ZCCHC7: variants seen among roughly 807,000 people sequenced by gnomAD.
The protein encoded by ZCCHC7 is zinc finger CCHC-type containing 7, also known as zinc finger CCHC domain-containing protein 7.
ZCCHC7 carries 35 observed loss-of-function variants against 52.0 expected under a neutral mutation model. That is an observed-to-expected ratio of 0.67 (90% CI 0.51 to 0.89). ZCCHC7 has a LOEUF of 0.89. Among genes scored for constraint, ZCCHC7 ranks in the 40% least tolerant of loss-of-function variants. ZCCHC7 has a pLI of 0.00. For synonymous variants in ZCCHC7, 217 were observed against 221.5 expected (o/e 0.98, Z 0.18); for missense variants, 574 against 649.1 (o/e 0.88, Z 1.26).
intron 2 of ZCCHC7, among the ~76,000 whole-genome samples, chr9:37,185,029 C>T (rs74921831): frequency 6.6e-6 from 1 of 152,070 alleles, no homozygotes; most frequent in Non-Finnish European, 1.5e-5. Flanking sequence ...CCTATTGGAA[C>T]TTGCTGAGAT....
chr9:37,170,138 C>T (rs1003751081), intron 2 of ZCCHC7, among the ~76,000 whole-genome samples: 4 of 151,710 alleles, frequency 2.6e-5, no homozygotes, highest in African/African-American at 9.7e-5. Flanking sequence ...TTGTTCTTTT[C>T]AGTGTCCTTA....
chr9:37,170,041 C>T (rs1821645342), intron 2 of ZCCHC7, among the ~76,000 whole-genome samples: 1 of 148,930 alleles, frequency 6.7e-6, no homozygotes, highest in African/African-American at 2.5e-5. Flanking sequence ...TCCTTGGCTG[C>T]AAAGTGAGAT....
chr9:37,343,707 ACT>A (rs1491308062), intron 6 of ZCCHC7, among the ~76,000 whole-genome samples: 1 of 151,706 alleles, frequency 6.6e-6, no homozygotes, highest in Non-Finnish European at 1.5e-5. Context: ...ACTTATTTCC[ACT>A]CTCTGTTGAA....
At chr9:37,147,240 T>G (rs1031141965) in intron 2 of ZCCHC7, 1 of 151,982 alleles carries the variant, frequency 6.6e-6, no homozygotes, top group South Asian at 2.1e-4. Context: ...AAGGGAAGTT[T>G]AGGAATATAA....
chr9:37,195,002 A>G (rs1331081955), intron 2 of ZCCHC7, among the ~76,000 whole-genome samples: 1 of 146,100 alleles, frequency 6.8e-6, no homozygotes, highest in African/African-American at 2.6e-5. Context: ...GCTAGAGTGC[A>G]GTGGTGTGAT....
intron 2 of ZCCHC7, among the ~76,000 whole-genome samples, chr9:37,193,319 TTAG>T (rs1344900313): frequency 6.6e-6 from 1 of 152,170 alleles, no homozygotes; most frequent in East Asian, 1.9e-4. Flanking sequence ...CTGACGGTTA[TTAG>T]TACACTTTTG....
intron 2 of ZCCHC7, among the ~76,000 whole-genome samples, chr9:37,180,024 G>T (rs1477560922): frequency 6.6e-6 from 1 of 152,096 alleles, no homozygotes; most frequent in Non-Finnish European, 1.5e-5. Flanking sequence ...AGGACAAGGA[G>T]AAAGATAGGA....
chr9:37,324,446 C>T (rs951630959), intron 5 of ZCCHC7, among the ~76,000 whole-genome samples: 1 of 152,216 alleles, frequency 6.6e-6, no homozygotes. Context: ...ACTTATGTCA[C>T]TCTTTATTCA....
intron 2 of ZCCHC7, among the ~76,000 whole-genome samples, chr9:37,290,252 A>C (rs1157538215): frequency 6.6e-6 from 1 of 152,230 alleles, no homozygotes; most frequent in Non-Finnish European, 1.5e-5. Flanking sequence ...ACGAATGGTA[A>C]ATATTGGGAA....
chr9:37,261,290 A>G (rs1373009210), intron 2 of ZCCHC7, among the ~76,000 whole-genome samples: 1 of 152,176 alleles, frequency 6.6e-6, no homozygotes. Flanking sequence ...TGTAAAATGG[A>G]CAAGAGTTGA....
At chr9:37,305,836 T>G (rs369613173) in intron 5 of ZCCHC7, 122 bp downstream of exon 5, 5 of 141,268 alleles carry the variant, frequency 3.5e-5, no homozygotes, top group Admixed American at 1.9e-4. Flanking sequence ...CCGTGAGATA[T>G]ATATATATAT....
chr9:37,287,928 TA>T (rs1231291274), intron 2 of ZCCHC7, among the ~76,000 whole-genome samples: 1 of 151,826 alleles, frequency 6.6e-6, no homozygotes, highest in Non-Finnish European at 1.5e-5. Flanking sequence ...AGTGTGAGTT[TA>T]AATGGTTAAA....
intron 6 of ZCCHC7, among the ~76,000 whole-genome samples, chr9:37,342,800 T>G (rs1820724679): frequency 6.6e-6 from 1 of 152,200 alleles, no homozygotes; most frequent in Non-Finnish European, 1.5e-5. Context: ...ATGAGTAAAA[T>G]GAAGGAAAGA....
intron 5 of ZCCHC7, chr9:37,326,310 T>C (rs1389212739): frequency 6.6e-6 from 1 of 152,088 alleles, no homozygotes; most frequent in Non-Finnish European, 1.5e-5. Flanking sequence ...CTTTGCCTTA[T>C]GAATCAACCT....
At chr9:37,306,161 G>C (rs531278275) in intron 5 of ZCCHC7, among the ~76,000 whole-genome samples, 2 of 151,800 alleles carry the variant, frequency 1.3e-5, no homozygotes, top group Admixed American at 1.3e-4. Context: ...TCTGCCTCCC[G>C]GGTTCCAGCG....
At chr9:37,197,505 A>T (rs1024387470) in intron 2 of ZCCHC7, among the ~76,000 whole-genome samples, 5 of 152,236 alleles carry the variant, frequency 3.3e-5, no homozygotes, top group African/African-American at 9.6e-5. Context: ...TGCAGTCTGG[A>T]AGGAAAGGCA....
intron 2 of ZCCHC7, among the ~76,000 whole-genome samples, chr9:37,298,910 G>A (rs1000366226): frequency 3.3e-5 from 5 of 151,602 alleles, no homozygotes; most frequent in African/African-American, 7.3e-5. Flanking sequence ...TTCTCCTTTC[G>A]TTTGTCACCT....
At chr9:37,296,898 T>TGTGC (rs1438045951) in intron 2 of ZCCHC7, among the ~76,000 whole-genome samples, 1 of 149,916 alleles carries the variant, frequency 6.7e-6, no homozygotes. Flanking sequence ...TGTGTGTGTG[T>TGTGC]GTGTGTGTGT....
In ZCCHC7 at chr9:37,126,295, A is replaced by G. The variant is rs1160181734; in HGVS notation, c.-21-17A>G. ...AACTTTTAAAGTATATTCTGTGTAC[A>G]ACTTTCTCTTTTGCAGCTTCAAGGT... On this transcript the variant is annotated splice_polypyrimidine_tract_variant and intron_variant, in intron 1 of 8. Transcript: ENST00000336755. 1.3e-6 allele frequency: 2 copies of G among 1,580,734 alleles called. No individual in the cohort carries two copies. The highest frequency in any genetic ancestry group is 2.4e-5 in the South Asian group (2 of 84,964).
Sources: gnomAD v4.1 joint callset for allele counts (sites outside exome capture counted in the v4.1 genomes callset) on GRCh38, gnomAD v4.1.1 for gene constraint, MANE v1.5 for transcripts, NCBI Gene and HGNC (gene_info 2026-07-23, HGNC 2026-07-21) for gene names.